ZNF536: variants seen among roughly 807,000 people sequenced by gnomAD.
The protein encoded by ZNF536 is zinc finger protein 536.
Under a neutral mutation model 84.5 loss-of-function variants are expected in ZNF536, and 13 were observed. That is an observed-to-expected ratio of 0.15 (90% CI 0.10 to 0.24). The LOEUF (loss-of-function observed/expected upper bound fraction) is 0.24, where lower values mean the gene tolerates loss of function less well. ZNF536 is among the 10% of genes least tolerant of loss of function. ZNF536 has a pLI of 1.00. For synonymous variants in ZNF536, 811 were observed against 742.5 expected (o/e 1.09, Z -1.50); for missense variants, 1,536 against 1,747.5 (o/e 0.88, Z 2.16).
At position 30,228,762 on chromosome 19, in the gene ZNF536, CGGCCTCGCGTGTGGGCGGCTGGGCGGCTG is replaced by C. The variant is rs1435998666; in HGVS notation, c.-190+93_-190+121del. 1 of 150,954 alleles carries C rather than the reference CGGCCTCGCGTGTGGGCGGCTGGGCGGCTG, an allele frequency of 6.6e-6. No individual in the cohort carries two copies. The highest frequency in any genetic ancestry group is 6.6e-5 in the Admixed American group (1 of 15,160). 9.4% of individuals were successfully genotyped at this position (150,954 alleles called of 1,614,324 possible). On this transcript the variant is annotated intron_variant, in intron 1 of 5. Transcript: ENST00000585628. This position sits in a 1 kb window ranked among gnomAD's most constrained non-coding sequence, Gnocchi z 4.5. ...CCGCGAGCTGCGCGCCGCCCCGGGC[CGGCCTCGCGTGTGGGCGGCTGGGCGGCTG>C]GGCGGCGGGAGGACGGCCTCCGCGG...
upstream of ZNF536, among the ~76,000 whole-genome samples, chr19:30,371,008 A>T (rs1424398794): frequency 1.3e-5 from 2 of 152,188 alleles, no homozygotes; most frequent in African/African-American, 4.8e-5. Flanking sequence ...TGTGGTAAAG[A>T]CTTCCATTAA....
At chr19:30,691,134 C>T (rs1165799033) in intron 1 of ZNF536, among the ~76,000 whole-genome samples, 1 of 152,078 alleles carries the variant, frequency 6.6e-6, no homozygotes, top group East Asian at 1.9e-4. Flanking sequence ...CCAACAAAAT[C>T]TCCAAGATCT....
At chr19:30,684,329 G>A (rs1164858202) in intron 1 of ZNF536, among the ~76,000 whole-genome samples, 1 of 152,068 alleles carries the variant, frequency 6.6e-6, no homozygotes, top group Non-Finnish European at 1.5e-5. Context: ...TGGAGATGGG[G>A]TTTCACTATG....
At chr19:30,666,046 T>C (rs1206618306) in intron 1 of ZNF536, among the ~76,000 whole-genome samples, 1 of 152,204 alleles carries the variant, frequency 6.6e-6, no homozygotes, top group East Asian at 1.9e-4. Context: ...GGACCCTCGA[T>C]ACATCTCACC....
At chr19:30,706,617 T>C (rs535553163) in intron 1 of ZNF536, among the ~76,000 whole-genome samples, 1 of 152,220 alleles carries the variant, frequency 6.6e-6, no homozygotes, top group Non-Finnish European at 1.5e-5. Context: ...GTTTGGTCGC[T>C]TTGTTTCATA....
intron 1 of ZNF536, among the ~76,000 whole-genome samples, chr19:30,702,381 CT>C (rs2052022105): frequency 6.6e-6 from 1 of 151,990 alleles, no homozygotes; most frequent in East Asian, 1.9e-4. Flanking sequence ...GATGTACTTA[CT>C]TTTCGCATGG....
rs187923907 is a variant in ZNF536 at position 30,682,093 on chromosome 19, C to T, written c.170-28664C>T. Among the ~76,000 whole-genome samples, 11 of 152,118 alleles carry T rather than the reference C, an allele frequency of 7.2e-5. No individual in the cohort carries two copies. The East Asian group carries it at 1.7e-3, about 24-fold the overall frequency. ...CTTTATGGCCCAGGAAGGAGAACAA[C>T]GAGGGAGGGGCTTGCGGACCACCAG... On this transcript the variant is annotated intron_variant, in intron 1 of 1. Transcript: ENST00000592773.
At chr19:30,679,238 C>T (rs1431434550) in intron 1 of ZNF536, among the ~76,000 whole-genome samples, 2 of 152,276 alleles carry the variant, frequency 1.3e-5, no homozygotes, top group East Asian at 1.9e-4. Context: ...TCCATCTGTG[C>T]GGTGGATTAT....
At chr19:30,531,511 G>A (rs1422311233) in intron 2 of ZNF536, among the ~76,000 whole-genome samples, 3 of 151,772 alleles carry the variant, frequency 2.0e-5, no homozygotes, top group Non-Finnish European at 2.9e-5. Context: ...ATTGCGTGAT[G>A]CTGAGGTTTG....
At chr19:30,578,842 G>A (rs2046827440) in intron 1 of ZNF536, among the ~76,000 whole-genome samples, 1 of 152,186 alleles carries the variant, frequency 6.6e-6, no homozygotes, top group Admixed American at 6.5e-5. Context: ...AGTCAAAAGA[G>A]AGTTATCCAG....
At chr19:30,615,595 A>T (rs1022484093) in intron 1 of ZNF536, among the ~76,000 whole-genome samples, 3 of 150,472 alleles carry the variant, frequency 2.0e-5, no homozygotes, top group Non-Finnish European at 3.0e-5. Context: ...CTAGTTTTGT[A>T]TTTATTTTAT....
At chr19:30,588,680 A>C (rs1034575152) in intron 1 of ZNF536, among the ~76,000 whole-genome samples, 2 of 152,198 alleles carry the variant, frequency 1.3e-5, no homozygotes, top group Non-Finnish European at 2.9e-5. Context: ...CAGAGAGAGA[A>C]GGTCTTAGGC....
chr19:30,567,125 A>G (rs1464153822), intron 1 of ZNF536, among the ~76,000 whole-genome samples: 1 of 152,166 alleles, frequency 6.6e-6, no homozygotes, highest in Non-Finnish European at 1.5e-5. Flanking sequence ...TGCCTTTAAT[A>G]CACATTTGAG....
At chr19:30,592,737 C>A (rs1031195656) in intron 1 of ZNF536, among the ~76,000 whole-genome samples, 4 of 152,006 alleles carry the variant, frequency 2.6e-5, no homozygotes, top group Non-Finnish European at 5.9e-5. Context: ...CTTTACCCCC[C>A]ATTTGCCAGC....
intron 1 of ZNF536, among the ~76,000 whole-genome samples, chr19:30,573,335 G>A (rs2046618791): frequency 1.3e-5 from 2 of 152,126 alleles, no homozygotes; most frequent in South Asian, 4.1e-4. Flanking sequence ...GCAGGGCTAG[G>A]GCCCCAGGTC....
chr19:30,660,761 T>C (rs977239250), intron 1 of ZNF536, among the ~76,000 whole-genome samples: 1 of 152,232 alleles, frequency 6.6e-6, no homozygotes, highest in Middle Eastern at 3.2e-3. Context: ...TGTGCCGTCA[T>C]GATTGACAGT....
rs764740243 is a variant in ZNF536 at position 30,445,299 on chromosome 19, T to A, written c.1737T>A (p.Pro579=). 6.2e-7 allele frequency: 1 copy of A among 1,614,210 alleles called. No homozygotes were observed. The highest frequency in any genetic ancestry group is 1.1e-5 in the South Asian group (1 of 91,090). ...CAGATGGCTCCAAGCAGAAAATGCC[T>A]GCTGATTTGGTTCACAGCACTAAAG... ...VGADGSKQKM[P]ADLVHSTKVG... is the part of the protein sequence containing the mutation. Residue 579 remains proline (P), a synonymous_variant, in exon 2 of 5, where the codon CCT becomes CCA. Transcript: ENST00000355537. This position sits in a 1 kb window ranked among gnomAD's most constrained non-coding sequence, Gnocchi z 4.5.
chr19:30,608,988 G>A (rs753578259), intron 1 of ZNF536, among the ~76,000 whole-genome samples: 1 of 152,150 alleles, frequency 6.6e-6, no homozygotes, highest in Non-Finnish European at 1.5e-5. Context: ...GTGACAAAAG[G>A]GCCCATACGT....
chr19:30,573,431 C>CCGTACAACCTA (rs2046621412), intron 1 of ZNF536, among the ~76,000 whole-genome samples: 5 of 152,156 alleles, frequency 3.3e-5, no homozygotes, highest in Admixed American at 2.6e-4. Context: ...TTGAGGCTGA[C>CCGTACAACCTA]CAGTTGTACG....
Sources: allele counts gnomAD v4.1 joint callset (sites outside exome capture counted in the v4.1 genomes callset), GRCh38; gene constraint gnomAD v4.1.1; non-coding constraint Gnocchi (gnomAD v3.1); transcripts MANE v1.5; gene names NCBI Gene and HGNC (gene_info 2026-07-23, HGNC 2026-07-21).